TUT7: variants seen among roughly 807,000 people sequenced by gnomAD.
TUT7 encodes the protein terminal uridylyl transferase 7.
TUT7 carries 33 observed loss-of-function variants against 165.9 expected under a neutral mutation model. The ratio of observed to expected loss-of-function variants is 0.20; its 90% CI spans 0.15 to 0.27. The LOEUF is 0.27. Among genes scored for constraint, TUT7 ranks in the 10% least tolerant of loss-of-function variants. The pLI is 1.00. For synonymous variants in TUT7, 552 were observed against 608.1 expected, an observed-to-expected ratio of 0.91 and a Z score of 1.36; for missense variants, 1,338 against 1,762.3, an observed-to-expected ratio of 0.76 and a Z score of 4.31.
Position 86,322,955 on chromosome 9 carries a change from T to C in TUT7, c.2795A>G (p.Asn932Ser). 6.2e-7 allele frequency: 1 copy of C among 1,613,630 alleles called. No homozygotes were observed. Among genetic ancestry groups the C allele is most frequent in the East Asian group, 2.2e-5 (1 of 44,882 alleles). Residue 932 changes from asparagine (N) to serine (S), a missense_variant, in exon 13 of 27, where the codon AAT becomes AGT. Asn to Ser is a conservative substitution (Grantham distance 46). Transcript: ENST00000375963. ...AGGTGAATTTTTTTCTTCACATACA[T>C]TTTCTTCCTTGAGACTTATTTTATT... The part of the protein sequence containing the change: ...ELNKISLKEE[N>S]VCEEKNSPVD...
At position 86,322,371 on chromosome 9, in the gene TUT7, T is replaced by C; in HGVS notation, c.2982A>G (p.Thr994=). ...RIQLEPLPPL[T]PKFLNILDQV... ...GATCTAAGATATTTAAAAACTTGGG[T>C]GTTAATGGTGGCAGAGGTTCTAGCT... The change falls in exon 14 of 27, where the codon ACA becomes ACG. Residue 994 remains threonine, a synonymous_variant. Coordinates refer to ENST00000375963, the MANE Select transcript of TUT7 (RefSeq NM_024617.4). 6.2e-7 allele frequency: 1 copy of C among 1,614,060 alleles called. No homozygotes were observed. Among genetic ancestry groups the C allele is most frequent in the South Asian group, 1.1e-5 (1 of 91,084 alleles).
intron 10 of TUT7, among the ~76,000 whole-genome samples, chr9:86,335,804 C>T (rs1182261129): frequency 6.6e-6 from 1 of 152,132 alleles, no homozygotes; most frequent in Non-Finnish European, 1.5e-5. Flanking sequence ...CATTTTGGTT[C>T]GGGTGGTAGT....
Position 86,342,935 on chromosome 9 carries a change from C to T in TUT7, c.1086+140G>A. 5 of 569,128 alleles carry T rather than the reference C, an allele frequency of 8.8e-6. No individual in the cohort carries two copies. The South Asian group carries it at 1.2e-4, about 13-fold the overall frequency. The allele number at this position is 569,128 out of a possible 1,614,324, so 35.3% of individuals were successfully genotyped here. A position where few individuals can be genotyped will look rare whatever the true frequency, so the allele number is the denominator to read the frequency against. On this transcript the variant is annotated intron_variant, in intron 6 of 26. Transcript: ENST00000375963. The stretch of plus-strand genomic sequence containing the variant: ...TTGCAGAGTATTAAAAAAAAAAGCT[C>T]TGAAACTGAAGGCAAGCGGATGCTG...
rs148287654 is a variant in TUT7 at position 86,311,145 on chromosome 9, CTA to C, written c.3275-338_3275-337del. On this transcript the variant is annotated intron_variant, in intron 17 of 26. Transcript: ENST00000375963. This position sits in a 1 kb window ranked among gnomAD's most constrained non-coding sequence, Gnocchi z 4.4. ...GACAAATACCAAACAGAGGAAACTA[CTA>C]TAGAGTCTGAACTATGTGGTTCCCA... 3.1e-4 allele frequency among the ~76,000 whole-genome samples: 47 copies of C among 152,332 alleles called. No homozygotes were observed. The highest frequency in any genetic ancestry group is 1.1e-3 in the African/African-American group (45 of 41,584).
chr9:86,323,406 C>T lies in TUT7; in HGVS notation c.2344G>A (p.Glu782Lys), dbSNP rs1829501802. The change falls in exon 13 of 27, where the codon GAG becomes AAG. Residue 782 changes from glutamate (E) to lysine (K), a missense_variant. Physicochemically the swap from Glu to Lys is moderately conservative, Grantham distance 56 (BLOSUM62 1). Coordinates refer to ENST00000375963, the MANE Select transcript of TUT7 (RefSeq NM_024617.4). The part of the protein sequence containing the change: ...HVVCGSTRNN[E>K]SESTLDLEGF... ...TCTAAATCCAAAGTGCTCTCTGACTCATTATTACGTGTGCTGCCACAGACA... is the reference window on the plus strand; with the variant it reads ...TCTAAATCCAAAGTGCTCTCTGACTTATTATTACGTGTGCTGCCACAGACA... 1.2e-6 allele frequency: 2 copies of T among 1,614,212 alleles called. No homozygotes were observed. The highest frequency in any genetic ancestry group is 1.7e-6 in the Non-Finnish European group (2 of 1,180,044).
intron 17 of TUT7, among the ~76,000 whole-genome samples, chr9:86,314,125 C>A (rs755345859): frequency 2.6e-5 from 4 of 152,140 alleles, no homozygotes; most frequent in Admixed American, 1.3e-4. Context: ...GATTGCACAG[C>A]CAGCAAGGGG....
At chr9:86,292,985 T>TA (rs1826011475) in intron 26 of TUT7, among the ~76,000 whole-genome samples, 2 of 152,026 alleles carry the variant, frequency 1.3e-5, no homozygotes, top group Admixed American at 1.3e-4. Context: ...TATTTGCATG[T>TA]AAAAAAACAA....
intron 17 of TUT7, among the ~76,000 whole-genome samples, chr9:86,314,086 G>A (rs1828485030): frequency 6.6e-6 from 1 of 152,214 alleles, no homozygotes; most frequent in South Asian, 2.1e-4. Flanking sequence ...GGAACTGAGT[G>A]CTTGTTATGA....
rs769006734 is a variant in TUT7, at chr9:86,288,792, G to A, written c.4421-48C>T. 4.9e-5 allele frequency: 72 copies of A among 1,468,568 alleles called. 2 individuals are homozygous for A. In the Middle Eastern group the frequency reaches 7.2e-4, roughly 15 times the overall value. 91.0% of individuals were successfully genotyped at this position (1,468,568 alleles called of 1,614,324 possible). A position where few individuals can be genotyped will look rare whatever the true frequency, so the allele number is the denominator to read the frequency against. On this transcript the variant is annotated intron_variant, in intron 26 of 26. Coordinates refer to ENST00000375963, the MANE Select transcript of TUT7 (RefSeq NM_024617.4). ...ACCCAATATAAATGAAACAAGCCTC[G>A]CTTTATGACAAAAGCCATAAAATTA...
At chr9:86,337,686 A>G in intron 9 of TUT7, 148 bp from the exon 10 acceptor site, 9 of 937,370 alleles carry the variant, frequency 9.6e-6, no homozygotes, top group Non-Finnish European at 1.4e-5. Context: ...AAAATATACA[A>G]CTTCCTTATA....
At chr9:86,339,475 G>A (rs1188243193) in intron 8 of TUT7, among the ~76,000 whole-genome samples, 3 of 152,070 alleles carry the variant, frequency 2.0e-5, no homozygotes, top group Non-Finnish European at 4.4e-5. Context: ...CCAAGATTGC[G>A]CCACTGCACT....
At chr9:86,317,393 A>AT (rs1464326511) in intron 16 of TUT7, 117 bp from the exon 17 acceptor site, 3 of 884,244 alleles carry the variant, frequency 3.4e-6, no homozygotes, top group Non-Finnish European at 5.3e-6. Flanking sequence ...GTCTATATCT[A>AT]TTTTTTTCCT....
Position 86,323,086 on chromosome 9 carries a change from A to C in TUT7, c.2664T>G (p.Asp888Glu). 1 of 1,614,176 alleles carries C rather than the reference A, an allele frequency of 6.2e-7. No homozygotes were observed. The highest frequency in any genetic ancestry group is 1.1e-5 in the South Asian group (1 of 91,082). ...ELDNTYTGSG[D>E]EDALSEEDDE... ...CATCCTCTTCAGATAGGGCGTCCTC[A>C]TCCCCTGACCCAGTGTAGGTGTTGT... The change falls in exon 13 of 27, where the codon GAT (aspartate) becomes GAG (glutamate). Residue 888 changes from aspartate (D) to glutamate (E), a missense_variant. Physicochemically the swap from Asp to Glu is conservative, Grantham distance 45. Around this residue, in one of 7 missense-constraint regions of TUT7, gnomAD observed 425 missense variants for 474.9 expected, o/e 0.89. Transcript: ENST00000375963.
intron 26 of TUT7, among the ~76,000 whole-genome samples, chr9:86,290,379 C>T (rs1016336432): frequency 1.4e-4 from 22 of 152,062 alleles, no homozygotes; most frequent in Non-Finnish European, 2.6e-4. Flanking sequence ...AGCAGGACAT[C>T]GAGATAAGCA....
intron 1 of TUT7, among the ~76,000 whole-genome samples, 198 bp from the exon 2 acceptor site, chr9:86,353,428 C>A (rs1410246172): frequency 6.6e-6 from 1 of 152,052 alleles, no homozygotes; most frequent in Non-Finnish European, 1.5e-5. Flanking sequence ...CTCTAATATT[C>A]TTCATGAAAA....
intron 2 of TUT7, among the ~76,000 whole-genome samples, chr9:86,350,751 T>C (rs1302052467): frequency 1.3e-5 from 2 of 152,260 alleles, no homozygotes; most frequent in Non-Finnish European, 2.9e-5. Context: ...ATTTAAGTTT[T>C]ATGTCTCCCT....
chr9:86,295,653 C>T (rs1353315637), intron 26 of TUT7, among the ~76,000 whole-genome samples: 1 of 152,056 alleles, frequency 6.6e-6, no homozygotes, highest in Non-Finnish European at 1.5e-5. Flanking sequence ...TTATTTTAAG[C>T]TTATTATCAT....
chr9:86,345,158 T>G lies in TUT7; in HGVS notation c.820-4A>C, dbSNP rs751071600. On this transcript the variant is annotated splice_polypyrimidine_tract_variant and splice_region_variant and intron_variant, in intron 4 of 26. Transcript: ENST00000375963. ...GCAACTCTTCCTCTTGCTTCTCCTTTTAAGATCAAATGTTGAGATTAAAAA... is the reference window on the plus strand; with the variant it reads ...GCAACTCTTCCTCTTGCTTCTCCTTGTAAGATCAAATGTTGAGATTAAAAA... The G allele has an allele frequency of 4.4e-6, 7 of 1,602,150 alleles. No homozygotes were observed. Among genetic ancestry groups the G allele is most frequent in the Non-Finnish European group, 6.0e-6 (7 of 1,175,452 alleles).
intron 22 of TUT7, among the ~76,000 whole-genome samples, chr9:86,307,418 C>T (rs1028820203): frequency 1.3e-5 from 2 of 152,160 alleles, no homozygotes; most frequent in African/African-American, 4.8e-5. Flanking sequence ...CCATGGTGAT[C>T]TGAAATTCAT....
Sources: gnomAD v4.1 joint callset for allele counts (sites outside exome capture counted in the v4.1 genomes callset) on GRCh38, gnomAD v4.1.1 for gene constraint, gnomAD v4.1.1 regional missense constraint, Gnocchi (gnomAD v3.1) non-coding constraint, MANE v1.5 for transcripts, NCBI Gene and HGNC (gene_info 2026-07-23, HGNC 2026-07-21) for gene names.